NOL4: variants seen among roughly 807,000 people sequenced by gnomAD.
The protein encoded by NOL4 is cancer/testis antigen 125.
NOL4 carries 17 observed loss-of-function variants against 75.9 expected under a neutral mutation model. The ratio of observed to expected loss-of-function variants is 0.22; its 90% CI spans 0.15 to 0.34. The LOEUF is 0.34. Among genes scored for constraint, NOL4 ranks in the 10% least tolerant of loss-of-function variants. The pLI is 1.00. For missense variants in NOL4, 614 were observed against 793.5 expected (o/e 0.77, Z 2.72); for synonymous variants, 292 against 289.9 (o/e 1.01, Z -0.07).
intron 5 of NOL4, among the ~76,000 whole-genome samples, chr18:34,092,024 C>G (rs12185458): frequency 0.17 from 26,077 of 151,856 alleles, 2,711 homozygotes; most frequent in African/African-American, 0.28. Context: ...GAGACATCCT[C>G]TACATTCTCT....
chr18:33,965,015 A>C (rs912071529), intron 6 of NOL4, among the ~76,000 whole-genome samples: 3 of 152,170 alleles, frequency 2.0e-5, no homozygotes, highest in Admixed American at 2.0e-4. Flanking sequence ...GAGAAAAGTA[A>C]AAATATTCTA....
At chr18:34,203,164 T>C (rs2035855907) in intron 1 of NOL4, among the ~76,000 whole-genome samples, 1 of 151,976 alleles carries the variant, frequency 6.6e-6, no homozygotes, top group Non-Finnish European at 1.5e-5. Context: ...GGAATTATAC[T>C]AAGTGAAAAA....
chr18:33,863,285 G>C (rs375648394), intron 10 of NOL4, among the ~76,000 whole-genome samples: 105 of 152,174 alleles, frequency 6.9e-4, no homozygotes, highest in African/African-American at 2.4e-3. Context: ...GTAGGGGAAG[G>C]GGGGAGGGAT....
rs1599958957 is a variant in NOL4, at chr18:33,942,956, C to T, written c.1542+109G>A. 5 of 713,658 alleles carry T rather than the reference C, an allele frequency of 7.0e-6. No individual in the cohort carries two copies. The Admixed American group carries it at 9.4e-5, about 13-fold the overall frequency. The allele number at this position is 713,658 out of a possible 1,614,324, so 44.2% of individuals were successfully genotyped here. A position where few individuals can be genotyped will look rare whatever the true frequency, so the allele number is the denominator to read the frequency against. On this transcript the variant is annotated intron_variant, in intron 9 of 10. Transcript: ENST00000261592. ...TCATAAGGACACAAAAACTATATCT[C>T]TGTGTACTTTAAATCCATTCAAGAG...
At chr18:34,143,966 A>C (rs1308103150) in intron 1 of NOL4, among the ~76,000 whole-genome samples, 1 of 151,662 alleles carries the variant, frequency 6.6e-6, no homozygotes, top group Non-Finnish European at 1.5e-5. Flanking sequence ...GCTAATTTCT[A>C]TGTTGTATAA....
Position 33,939,829 on chromosome 18 carries a change from A to G in NOL4, c.1542+3236T>C, listed in dbSNP as rs187669505. On this transcript the variant is annotated intron_variant, in intron 9 of 10. Coordinates refer to ENST00000261592, the MANE Select transcript of NOL4 (RefSeq NM_003787.5). The stretch of plus-strand genomic sequence containing the variant: ...CTGTGTTGAATAGGAGTGGTAAGAG[A>G]GGGCATCCTTGTCTTGTGCTGGTTT... Among the ~76,000 whole-genome samples the G allele has an allele frequency of 3.4e-3, 516 of 152,148 alleles. 4 individuals are homozygous for G. The highest frequency in any genetic ancestry group is 0.012 in the African/African-American group (481 of 41,524).
chr18:34,084,146 A>G (rs556064815), intron 5 of NOL4, among the ~76,000 whole-genome samples: 11 of 152,272 alleles, frequency 7.2e-5, no homozygotes, highest in African/African-American at 2.6e-4. Context: ...AGTCATGAGG[A>G]GCCAGATCAG....
chr18:33,879,281 T>C (rs937322741), intron 10 of NOL4, among the ~76,000 whole-genome samples: 1 of 152,114 alleles, frequency 6.6e-6, no homozygotes, highest in Non-Finnish European at 1.5e-5. Flanking sequence ...TAAAAAGTTA[T>C]AGTTTATGCA....
chr18:34,005,744 C>T (rs1443110357), intron 6 of NOL4, among the ~76,000 whole-genome samples: 1 of 152,010 alleles, frequency 6.6e-6, no homozygotes, highest in Non-Finnish European at 1.5e-5. Context: ...TTCGATGATT[C>T]CCCATACTCA....
chr18:33,978,219 A>T (rs530355680), intron 6 of NOL4, among the ~76,000 whole-genome samples: 1 of 152,276 alleles, frequency 6.6e-6, no homozygotes, highest in South Asian at 2.1e-4. Context: ...TTATTGAAAG[A>T]TATATGTCTA....
chr18:34,179,138 T>C (rs1444532886), intron 1 of NOL4, among the ~76,000 whole-genome samples: 1 of 151,462 alleles, frequency 6.6e-6, no homozygotes, highest in Non-Finnish European at 1.5e-5. Context: ...TACTCTGAGA[T>C]GAATGAAAAT....
intron 9 of NOL4, among the ~76,000 whole-genome samples, chr18:33,906,028 C>T (rs753216046): frequency 6.6e-6 from 1 of 152,152 alleles, no homozygotes; most frequent in Non-Finnish European, 1.5e-5. Flanking sequence ...CTCATCACTC[C>T]TTTTGTGGTG....
At chr18:33,937,902 A>G (rs1258942655) in intron 9 of NOL4, among the ~76,000 whole-genome samples, 1 of 152,142 alleles carries the variant, frequency 6.6e-6, no homozygotes, top group Non-Finnish European at 1.5e-5. Context: ...ATATCCAGGC[A>G]AACTCTAGAT....
In NOL4 at chr18:34,019,442, A is replaced by C; in HGVS notation, c.932T>G (p.Leu311Arg). 1 of 1,613,902 alleles carries C rather than the reference A, an allele frequency of 6.2e-7. No individual in the cohort carries two copies. The highest frequency in any genetic ancestry group is 8.5e-7 in the Non-Finnish European group (1 of 1,179,972). Residue 311 changes from leucine (L) to arginine (R), a missense_variant, in exon 6 of 11, where the codon CTC (leucine) becomes CGC (arginine). By Grantham distance (102) the Leu-to-Arg change is moderately radical. Transcript: ENST00000261592. ...GTATTCCGAAGTTAGCTGCGCAGAGAGGGGACTGTCACTCAGGTTCAGTGG... is the reference window on the plus strand; with the variant it reads ...GTATTCCGAAGTTAGCTGCGCAGAGCGGGGACTGTCACTCAGGTTCAGTGG... ...EQPLNLSDSP[L>R]SAQLTSEYRI...
chr18:34,104,072 T>G lies in NOL4; in HGVS notation c.614A>C (p.Gln205Pro). Reference sequence around the variant, plus strand: ...CTCATCTTGCTGTGAGTTTAGCAGCTGCAGCTTCATGTGTTTCATGTAGGC... The same window carrying G: ...CTCATCTTGCTGTGAGTTTAGCAGCGGCAGCTTCATGTGTTTCATGTAGGC... ...TMAYMKHMKL[Q>P]LLNSQQDEDE... Residue 205 changes from glutamine to proline, a missense_variant, in exon 4 of 11, where the codon CAG (glutamine) becomes CCG (proline). Gln to Pro is a moderately conservative substitution (Grantham distance 76, BLOSUM62 -1). Coordinates refer to ENST00000261592, the MANE Select transcript of NOL4 (RefSeq NM_003787.5). 6.2e-7 allele frequency: 1 copy of G among 1,611,316 alleles called. No individual in the cohort carries two copies. The highest frequency in any genetic ancestry group is 1.1e-5 in the South Asian group (1 of 90,982).
At chr18:34,008,484 A>G (rs1774182592) in intron 6 of NOL4, among the ~76,000 whole-genome samples, 1 of 151,966 alleles carries the variant, frequency 6.6e-6, no homozygotes, top group South Asian at 2.1e-4. Context: ...TATCTTAGTT[A>G]ATGAAAAATG....
intron 1 of NOL4, among the ~76,000 whole-genome samples, chr18:34,175,239 T>G (rs1047293674): frequency 6.6e-6 from 1 of 152,186 alleles, no homozygotes; most frequent in African/African-American, 2.4e-5. Context: ...ACATGTCTAG[T>G]GCTTCCATGG....
intron 10 of NOL4, among the ~76,000 whole-genome samples, chr18:33,866,413 T>C (rs7231372): frequency 0.19 from 29,158 of 152,074 alleles, 2,928 homozygotes; most frequent in Non-Finnish European, 0.22. Flanking sequence ...GACAGAAAAA[T>C]TGCTGTTGAA....
intron 1 of NOL4, among the ~76,000 whole-genome samples, chr18:34,202,431 A>G (rs2035805655): frequency 6.6e-6 from 1 of 151,974 alleles, no homozygotes; most frequent in Admixed American, 6.6e-5. Context: ...TTCACTGTTT[A>G]TAAACATTAA....
Sources: gnomAD v4.1 joint callset for allele counts (sites outside exome capture counted in the v4.1 genomes callset) on GRCh38, gnomAD v4.1.1 for gene constraint, MANE v1.5 for transcripts, NCBI Gene and HGNC (gene_info 2026-07-23, HGNC 2026-07-21) for gene names.